The following SPECC1 variants were observed in gnomAD, a reference collection of about 807,000 sequenced individuals.
The protein encoded by SPECC1 is cytospin-B.
SPECC1 carries 62 observed loss-of-function variants against 104.1 expected under a neutral mutation model. The ratio of observed to expected loss-of-function variants is 0.60; its 90% CI spans 0.49 to 0.74. The LOEUF (loss-of-function observed/expected upper bound fraction) is 0.74, where lower values mean the gene tolerates loss of function less well. SPECC1 is among the 30% of genes least tolerant of loss of function. The probability of loss-of-function intolerance (pLI) is 0.00; values close to 1 mark genes in which losing one functional copy is unlikely to be tolerated. For synonymous variants in SPECC1, 513 were observed against 501.6 expected (o/e 1.02, Z -0.30); for missense variants, 1,306 against 1,310.5 (o/e 1.00, Z 0.05).
chr17:20,217,979 C>T (rs538644891), intron 4 of SPECC1, among the ~76,000 whole-genome samples: 1 of 152,194 alleles, frequency 6.6e-6, no homozygotes, highest in Non-Finnish European at 1.5e-5. Flanking sequence ...CTGCAATGAC[C>T]CGTGATCGTG....
At chr17:20,234,514 A>C (rs2038790975) in intron 7 of SPECC1, among the ~76,000 whole-genome samples, 1 of 152,184 alleles carries the variant, frequency 6.6e-6, no homozygotes, top group South Asian at 2.1e-4. Flanking sequence ...TCACACCCTC[A>C]AAGCTCCGGA....
intron 10 of SPECC1, 54 bp from the exon 11 acceptor site, chr17:20,257,397 G>A: frequency 1.3e-6 from 2 of 1,516,714 alleles, no homozygotes; most frequent in South Asian, 2.6e-5. Context: ...GAAGTATGAT[G>A]GCAGTCAAGA....
At chr17:20,048,234 C>T (rs143029209) in intron 1 of SPECC1, among the ~76,000 whole-genome samples, 3,792 of 150,934 alleles carry the variant, frequency 0.025, 161 homozygotes, top group African/African-American at 0.086. Context: ...CCTGGGTTCA[C>T]GCCATTCTCC....
intron 1 of SPECC1, among the ~76,000 whole-genome samples, chr17:20,079,205 C>T (rs376296361): frequency 6.6e-6 from 1 of 152,302 alleles, no homozygotes; most frequent in African/African-American, 2.4e-5. Context: ...TGTGCAGTTG[C>T]GTCCCCACAC....
At chr17:20,273,587 G>A (rs1295562753) in intron 12 of SPECC1, among the ~76,000 whole-genome samples, 1 of 152,064 alleles carries the variant, frequency 6.6e-6, no homozygotes, top group Non-Finnish European at 1.5e-5. Context: ...CTGTCCTCTG[G>A]GTGTGCACAG....
At chr17:20,144,389 C>G (rs188550431) in intron 3 of SPECC1, among the ~76,000 whole-genome samples, 1 of 151,684 alleles carries the variant, frequency 6.6e-6, no homozygotes, top group Admixed American at 6.6e-5. Context: ...TGTGGTCTCC[C>G]TGTGTTGCCC....
intron 12 of SPECC1, among the ~76,000 whole-genome samples, chr17:20,289,606 A>G (rs867581485): frequency 1.4e-4 from 21 of 152,306 alleles, no homozygotes; most frequent in African/African-American, 4.6e-4. Context: ...GTGCCTGGCC[A>G]AAAAGGGAAC....
At chr17:20,288,249 A>C (rs2041027123) in intron 12 of SPECC1, among the ~76,000 whole-genome samples, 1 of 152,198 alleles carries the variant, frequency 6.6e-6, no homozygotes, top group African/African-American at 2.4e-5. Flanking sequence ...GCTGCAGTGG[A>C]CATAACGTGT....
intron 12 of SPECC1, among the ~76,000 whole-genome samples, chr17:20,263,971 T>C (rs1806850924): frequency 6.6e-6 from 1 of 152,218 alleles, no homozygotes; most frequent in Non-Finnish European, 1.5e-5. Context: ...ATTTTGCCTG[T>C]AGTACTTTTC....
chr17:20,257,418 T>G, intron 10 of SPECC1, 33 bp from the exon 11 acceptor site: 1 of 1,541,814 alleles, frequency 6.5e-7, no homozygotes, highest in Non-Finnish European at 8.7e-7. Flanking sequence ...GCTGCTTCTT[T>G]GGGAATGAGT....
At chr17:20,191,424 G>C (rs567642300) in intron 3 of SPECC1, among the ~76,000 whole-genome samples, 1 of 150,936 alleles carries the variant, frequency 6.6e-6, no homozygotes, top group East Asian at 1.9e-4. Flanking sequence ...TCTAATAGTT[G>C]TGTAGTGATA....
At chr17:20,246,247 G>A (rs1462850069) in intron 8 of SPECC1, among the ~76,000 whole-genome samples, 176 bp downstream of exon 8, 2 of 152,192 alleles carry the variant, frequency 1.3e-5, no homozygotes, top group South Asian at 2.1e-4. Flanking sequence ...GCTCCAGGGA[G>A]GCACTGATGG....
intron 1 of SPECC1, among the ~76,000 whole-genome samples, chr17:20,034,606 T>G (rs2044980599): frequency 2.9e-5 from 1 of 34,112 alleles, no homozygotes; most frequent in South Asian, 5.1e-4. Context: ...CTATTTTTCC[T>G]TTTTTTTTTT....
intron 12 of SPECC1, among the ~76,000 whole-genome samples, chr17:20,293,355 TTCTCTTATTCCA>T (rs2041236574): frequency 1.3e-5 from 2 of 151,892 alleles, no homozygotes; most frequent in Non-Finnish European, 1.5e-5. Context: ...TCAAACCTCC[TTCTCTTATTCCA>T]TCTTAATGTC....
chr17:20,182,452 A>G (rs1312823240), intron 3 of SPECC1, among the ~76,000 whole-genome samples: 2 of 152,048 alleles, frequency 1.3e-5, no homozygotes, highest in Non-Finnish European at 2.9e-5. Context: ...TATAGAGGCC[A>G]CCGGACAGAA....
chr17:20,130,619 A>T (rs2049565554), intron 3 of SPECC1, among the ~76,000 whole-genome samples: 1 of 152,310 alleles, frequency 6.6e-6, no homozygotes, highest in African/African-American at 2.4e-5. Flanking sequence ...TGTCCCTCTG[A>T]CAATGCCTCA....
chr17:20,296,085 A>G (rs554334375), intron 12 of SPECC1, among the ~76,000 whole-genome samples: 1 of 152,306 alleles, frequency 6.6e-6, no homozygotes, highest in African/African-American at 2.4e-5. Context: ...TTAGACATGA[A>G]GTCCTTGCCC....
At chr17:20,041,037 T>A (rs2045305027) in intron 1 of SPECC1, among the ~76,000 whole-genome samples, 1 of 152,080 alleles carries the variant, frequency 6.6e-6, no homozygotes, top group Non-Finnish European at 1.5e-5. Flanking sequence ...CTTTCTCTTT[T>A]TCCATCATTC....
chr17:20,067,078 C>G (rs1294169976), intron 1 of SPECC1: 1 of 151,876 alleles, frequency 6.6e-6, no homozygotes, highest in East Asian at 1.9e-4. Context: ...AATTACAAAA[C>G]TGTTACATGT....
Sources: gnomAD v4.1 joint callset for allele counts (sites outside exome capture counted in the v4.1 genomes callset) on GRCh38, gnomAD v4.1.1 for gene constraint, MANE v1.5 for transcripts, NCBI Gene and HGNC (gene_info 2026-07-23, HGNC 2026-07-21) for gene names.